ADAMTSL3: variants seen among roughly 807,000 people sequenced by gnomAD.
ADAMTSL3 encodes the protein ADAMTS-like protein 3.
In ADAMTSL3, 128 loss-of-function variants were observed where a neutral mutation model predicts 201.7. The ratio of observed to expected loss-of-function variants is 0.63; its 90% confidence interval spans 0.55 to 0.73. The LOEUF is 0.73. Among genes scored for constraint, ADAMTSL3 ranks in the 30% least tolerant of loss-of-function variants. ADAMTSL3 has a pLI of 0.00. For missense variants in ADAMTSL3, 1,990 were observed against 2,119.6 expected (o/e 0.94, Z 1.20); for synonymous variants, 738 against 748.4 (o/e 0.99, Z 0.23).
At chr15:83,801,651 AATATATATATATATATATATATAT>A (rs68098545) in intron 4 of ADAMTSL3, among the ~76,000 whole-genome samples, 15 of 31,288 alleles carry the variant, frequency 4.8e-4, no homozygotes, top group Admixed American at 1.4e-3. Flanking sequence ...TATAAATATA[AATATATATATATATATATATATAT>A]ATATATATAT....
intron 2 of ADAMTSL3, among the ~76,000 whole-genome samples, chr15:83,664,306 G>A (rs1382185433): frequency 6.7e-6 from 1 of 149,518 alleles, no homozygotes; most frequent in South Asian, 2.1e-4. Flanking sequence ...TCCCTCCAAA[G>A]TGGAAGAGGC....
At chr15:83,789,895 G>A (rs1469510023) in intron 4 of ADAMTSL3, among the ~76,000 whole-genome samples, 4 of 151,968 alleles carry the variant, frequency 2.6e-5, no homozygotes, top group African/African-American at 9.7e-5. Flanking sequence ...ACTTTATCCT[G>A]CTTTCAAAAG....
intron 20 of ADAMTSL3, among the ~76,000 whole-genome samples, chr15:83,971,941 A>G (rs1278898623): frequency 1.3e-5 from 2 of 149,016 alleles, no homozygotes; most frequent in Non-Finnish European, 3.0e-5. Context: ...TATATAACAT[A>G]TATATAAAAC....
At chr15:83,981,592 C>G (rs1397866313) in intron 20 of ADAMTSL3, among the ~76,000 whole-genome samples, 1 of 152,232 alleles carries the variant, frequency 6.6e-6, no homozygotes, top group Admixed American at 6.5e-5. Flanking sequence ...AGTGGCAGAG[C>G]TAAGATTCAA....
chr15:83,755,002 G>A (rs61189615), intron 3 of ADAMTSL3, among the ~76,000 whole-genome samples: 13,545 of 151,924 alleles, frequency 0.089, 739 homozygotes, highest in Admixed American at 0.19. Context: ...ATTTAATATC[G>A]TATATGTTCC....
chr15:83,748,650 A>G (rs1201220709), intron 3 of ADAMTSL3, among the ~76,000 whole-genome samples: 1 of 22,628 alleles, frequency 4.4e-5, no homozygotes, highest in Non-Finnish European at 7.8e-5. Context: ...ACCCTGTCTC[A>G]AAAAAAAAAA....
rs1000657432 is a variant in ADAMTSL3, at chr15:83,859,794, A to G, written c.802+954A>G. 2.0e-5 allele frequency among the ~76,000 whole-genome samples: 3 copies of G among 152,284 alleles called. No homozygotes were observed. In the South Asian group the frequency reaches 6.2e-4, roughly 32 times the overall value. ...TGAATTTTTCTGTTCTCATACCCCAATGGGAAATTTGCCTGTTTAAGATTA... is the reference window on the plus strand; with the variant it reads ...TGAATTTTTCTGTTCTCATACCCCAGTGGGAAATTTGCCTGTTTAAGATTA... On this transcript the variant is annotated intron_variant, in intron 8 of 29. Coordinates refer to ENST00000286744, the MANE Select transcript of ADAMTSL3 (RefSeq NM_207517.3).
At chr15:83,942,817 T>A in intron 18 of ADAMTSL3, 29 bp downstream of exon 18, 1 of 1,609,260 alleles carries the variant, frequency 6.2e-7, no homozygotes. Context: ...TCCAGGGCCC[T>A]CTGTGATTAT....
At chr15:83,976,546 C>T (rs2067291790) in intron 20 of ADAMTSL3, among the ~76,000 whole-genome samples, 1 of 151,612 alleles carries the variant, frequency 6.6e-6, no homozygotes, top group Admixed American at 6.6e-5. Context: ...CAGTGAGAGT[C>T]CTGAGCTTGT....
At chr15:83,988,326 G>GA (rs2067519091) in intron 21 of ADAMTSL3, among the ~76,000 whole-genome samples, 1 of 152,238 alleles carries the variant, frequency 6.6e-6, no homozygotes, top group Non-Finnish European at 1.5e-5. Flanking sequence ...GATTCGGGCA[G>GA]AAAAGGAGTG....
intron 2 of ADAMTSL3, among the ~76,000 whole-genome samples, chr15:83,661,407 C>T (rs1396673715): frequency 1.3e-5 from 2 of 151,632 alleles, no homozygotes; most frequent in South Asian, 2.1e-4. Flanking sequence ...ATTCTTCCTA[C>T]CCATGAGCAT....
intron 2 of ADAMTSL3, among the ~76,000 whole-genome samples, chr15:83,698,174 T>A (rs1484926431): frequency 6.6e-6 from 1 of 152,156 alleles, no homozygotes; most frequent in African/African-American, 2.4e-5. Flanking sequence ...AGAGGCCACA[T>A]ATATATTTCT....
intron 15 of ADAMTSL3, among the ~76,000 whole-genome samples, chr15:83,905,047 A>T (rs975620544): frequency 1.3e-5 from 2 of 152,184 alleles, no homozygotes; most frequent in Non-Finnish European, 2.9e-5. Context: ...AGGAGGTGCT[A>T]TTCTTATTTT....
At chr15:83,739,839 C>A in intron 3 of ADAMTSL3, 1 of 601,490 alleles carries the variant, frequency 1.7e-6, no homozygotes. Context: ...ATTGGCAATG[C>A]CTGCTGGGAG....
intron 4 of ADAMTSL3, among the ~76,000 whole-genome samples, chr15:83,777,626 A>G (rs1015999501): frequency 6.6e-6 from 1 of 152,158 alleles, no homozygotes; most frequent in Non-Finnish European, 1.5e-5. Flanking sequence ...GCAAAAAGTC[A>G]GCAACCTCGA....
At chr15:83,988,266 C>G (rs2067517571) in intron 21 of ADAMTSL3, among the ~76,000 whole-genome samples, 1 of 152,190 alleles carries the variant, frequency 6.6e-6, no homozygotes, top group African/African-American at 2.4e-5. Context: ...CCAATCACCT[C>G]CAGCATGAAA....
Position 83,995,402 on chromosome 15 carries a change from G to A in ADAMTSL3, c.3973+4188G>A, listed in dbSNP as rs117247718. ...GGATAATCTCTACCTTGATTTGCCT[G>A]TCAGAAACCTATTGTAAGCATCATA... On this transcript the variant is annotated intron_variant, in intron 23 of 29. Coordinates refer to ENST00000286744, the MANE Select transcript of ADAMTSL3 (RefSeq NM_207517.3). Among the ~76,000 whole-genome samples the A allele has an allele frequency of 2.9e-3, 449 of 152,264 alleles. 16 individuals carry two copies. The East Asian group carries it at 0.07, about 24-fold the overall frequency.
chr15:83,802,420 C>T (rs1348720927), intron 4 of ADAMTSL3, among the ~76,000 whole-genome samples: 1 of 152,096 alleles, frequency 6.6e-6, no homozygotes, highest in Non-Finnish European at 1.5e-5. Context: ...ATGTTTATAG[C>T]ATTTTTTCAT....
At chr15:83,752,765 A>C (rs1567120670) in intron 3 of ADAMTSL3, among the ~76,000 whole-genome samples, 1 of 152,212 alleles carries the variant, frequency 6.6e-6, no homozygotes, top group Non-Finnish European at 1.5e-5. Flanking sequence ...AGCTCTGTAG[A>C]AGTTACTATA....
Sources: gnomAD v4.1 joint callset for allele counts (sites outside exome capture counted in the v4.1 genomes callset) on GRCh38, gnomAD v4.1.1 for gene constraint, MANE v1.5 for transcripts, NCBI Gene and HGNC (gene_info 2026-07-23, HGNC 2026-07-21) for gene names.